Variants in UBE3C observed in about 807,000 individuals in gnomAD.
UBE3C encodes the protein ubiquitin-protein ligase E3C.
A neutral mutation model predicts 129.4 loss-of-function variants in UBE3C; 42 were observed. The ratio of observed to expected loss-of-function variants is 0.32; its 90% CI spans 0.25 to 0.42. The LOEUF (loss-of-function observed/expected upper bound fraction) is 0.42. Ranked by LOEUF, UBE3C falls within the 10% of genes least tolerant of loss-of-function variation. The probability of loss-of-function intolerance (pLI) is 1.00; values close to 1 mark genes in which losing one functional copy is unlikely to be tolerated. For synonymous variants in UBE3C, 510 were observed against 492.4 expected (o/e 1.04, Z -0.47); for missense variants, 1,049 against 1,319.1 (o/e 0.80, Z 3.17).
At chr7:157,234,972 A>G (rs1336323099) in intron 18 of UBE3C, among the ~76,000 whole-genome samples, 1 of 152,202 alleles carries the variant, frequency 6.6e-6, no homozygotes, top group African/African-American at 2.4e-5. Context: ...CAGGCGGATC[A>G]CCTGAGGTCG....
chr7:157,141,583 A>C (rs1205068142), intron 1 of UBE3C, among the ~76,000 whole-genome samples: 1 of 152,224 alleles, frequency 6.6e-6, no homozygotes, highest in Non-Finnish European at 1.5e-5. Flanking sequence ...CTGTGCATCC[A>C]AACGTAGATA....
intron 18 of UBE3C, among the ~76,000 whole-genome samples, chr7:157,235,958 T>C (rs537532806): frequency 6.6e-6 from 1 of 152,340 alleles, no homozygotes; most frequent in African/African-American, 2.4e-5. Context: ...AAGAAAACTG[T>C]ATATTGATTG....
chr7:157,254,419 C>CT lies in UBE3C; in HGVS notation c.2950+110dup, dbSNP rs1177285881. On this transcript the variant is annotated intron_variant, in intron 21 of 22. Coordinates refer to ENST00000348165, the MANE Select transcript of UBE3C (RefSeq NM_014671.3). ...ATTTATTTATTTTTTTTTTTTCAGA[C>CT]TGAGTTTCACTCTTGTCGCCCAGGC... 59 of 550,172 alleles carry CT rather than the reference C, an allele frequency of 1.1e-4. No individual in the cohort carries two copies. The African/African-American group carries it at 1.2e-3, about 11-fold the overall frequency. 34.1% of individuals were successfully genotyped at this position (550,172 alleles called of 1,614,324 possible).
In UBE3C at chr7:157,158,991, G is replaced by A. The variant is rs569741288; in HGVS notation, c.67-4819G>A. ...AGTCCTACTAGTCTCATGTATGCGG[G>A]GATATTAAGTCCGTTATCAATAGAG... is the stretch of plus-strand genomic sequence containing the variant. On this transcript the variant is annotated intron_variant, in intron 1 of 22. Transcript: ENST00000348165. Among the ~76,000 whole-genome samples the A allele has an allele frequency of 2.6e-5, 4 of 152,252 alleles. No homozygotes were observed. The South Asian group carries it at 8.3e-4, about 32-fold the overall frequency.
chr7:157,261,306 GAAAAAAAAAAAAAAAA>G (rs57114090), intron 22 of UBE3C, among the ~76,000 whole-genome samples: 44 of 78,024 alleles, frequency 5.6e-4, no homozygotes, highest in South Asian at 1.1e-3. Context: ...AACTCTGTCT[GAAAAAAAAAAAAAAAA>G]AAAAAAAAAA....
chr7:157,188,249 C>A (rs962740783), intron 10 of UBE3C, among the ~76,000 whole-genome samples: 1 of 152,186 alleles, frequency 6.6e-6, no homozygotes, highest in African/African-American at 2.4e-5. Flanking sequence ...TTATAAAATG[C>A]CATCCCATCA....
chr7:157,188,964 G>A (rs777447097), intron 10 of UBE3C: 1 of 679,838 alleles, frequency 1.5e-6, no homozygotes. Flanking sequence ...ACAAATGAAT[G>A]TGGAGACCTT....
chr7:157,192,883 G>T, intron 10 of UBE3C: 1 of 831,960 alleles, frequency 1.2e-6, no homozygotes, highest in South Asian at 1.5e-5. Context: ...AAAAAGAAGG[G>T]ATTATCAAAG....
chr7:157,228,102 T>G (rs1795927578), intron 17 of UBE3C, among the ~76,000 whole-genome samples: 1 of 152,258 alleles, frequency 6.6e-6, no homozygotes, highest in South Asian at 2.1e-4. Context: ...TTATTCCACG[T>G]GTCATCTAGT....
In UBE3C at chr7:157,220,745, G is replaced by A; in HGVS notation, c.1971G>A (p.Gly657=). The A allele has an allele frequency of 6.2e-7, 1 of 1,614,192 alleles. No homozygotes were observed. Among genetic ancestry groups the A allele is most frequent in the East Asian group, 2.2e-5 (1 of 44,894 alleles). ...ATGTGTGGAGGTTCCGGCGGATGGG[G>A]AGGATAGGCCCGCTGCAGTCCACCC... The part of the protein sequence containing the change: ...SRHVWRFRRM[G]RIGPLQSTLD... The change falls in exon 15 of 23, where the codon GGG becomes GGA. Residue 657 remains glycine, a synonymous_variant. Transcript: ENST00000348165.
Position 157,156,822 on chromosome 7 carries a change from T to C in UBE3C, c.67-6988T>C, listed in dbSNP as rs551645948. On this transcript the variant is annotated intron_variant, in intron 1 of 22. Coordinates refer to ENST00000348165, the MANE Select transcript of UBE3C (RefSeq NM_014671.3). ...ACAGTTCCTGATCAGTAGATAGATC[T>C]ACCACATTCCTTTAAAGAGCTATAT... Among the ~76,000 whole-genome samples, 105 of 152,160 alleles carry C rather than the reference T, an allele frequency of 6.9e-4. 1 individual carries two copies. Among genetic ancestry groups the C allele is most frequent in the African/African-American group, 2.5e-3 (102 of 41,488 alleles).
intron 1 of UBE3C, among the ~76,000 whole-genome samples, chr7:157,148,693 C>A: frequency 6.7e-6 from 1 of 148,832 alleles, no homozygotes; most frequent in African/African-American, 2.5e-5. Context: ...GATCTGGCAT[C>A]AAATAAAGTC....
At position 157,220,971 on chromosome 7, in the gene UBE3C, C is replaced by G. The variant is rs1370983358; in HGVS notation, c.2002+195C>G. The G allele has an allele frequency of 1.1e-5, 6 of 551,772 alleles. No individual in the cohort carries two copies. In the African/African-American group the frequency reaches 1.1e-4, roughly 10 times the overall value. The allele number at this position is 551,772 out of a possible 1,614,324, so 34.2% of individuals were successfully genotyped here. ...TTGCGGCCACCTCTTCAGCAGCCAC[C>G]CATTTCTGTTTTGTCCTGTCACTTT... On this transcript the variant is annotated intron_variant, in intron 15 of 22. Transcript: ENST00000348165.
At chr7:157,261,196 C>T (rs1796896425) in intron 22 of UBE3C, among the ~76,000 whole-genome samples, 1 of 150,880 alleles carries the variant, frequency 6.6e-6, no homozygotes, top group Non-Finnish European at 1.5e-5. Flanking sequence ...GTCCCAGCTA[C>T]TTGGGAGGCT....
chr7:157,216,834 C>T (rs752900628), intron 13 of UBE3C, 33 bp from the exon 14 acceptor site: 2 of 1,544,352 alleles, frequency 1.3e-6, no homozygotes, highest in East Asian at 2.3e-5. Context: ...GCCGAGCTCA[C>T]GTGTGTGACG....
intron 19 of UBE3C, among the ~76,000 whole-genome samples, chr7:157,250,660 C>T (rs1448729305): frequency 6.6e-6 from 1 of 152,162 alleles, no homozygotes; most frequent in Non-Finnish European, 1.5e-5. Context: ...TATTTAGTTG[C>T]TTTTGTTTCT....
chr7:157,159,133 GTC>G (rs914595433), intron 1 of UBE3C, among the ~76,000 whole-genome samples: 13 of 152,302 alleles, frequency 8.5e-5, no homozygotes, highest in African/African-American at 2.6e-4. Context: ...AGGTAGGAAA[GTC>G]TCTCTCTCCT....
intron 22 of UBE3C, among the ~76,000 whole-genome samples, chr7:157,264,048 G>A (rs1240309836): frequency 1.3e-5 from 2 of 151,982 alleles, no homozygotes; most frequent in African/African-American, 4.8e-5. Context: ...TGGTACTACA[G>A]GTGTGAGCCA....
Position 157,257,407 on chromosome 7 carries a change from G to A in UBE3C, c.3081+363G>A, listed in dbSNP as rs983999206. On this transcript the variant is annotated intron_variant, in intron 22 of 22. Transcript: ENST00000348165. ...GCAGGTACAACGTAGAGATGTTGATGGAGTGTATATGCTACTGAGCCTTAT... is the reference window on the plus strand; with the variant it reads ...GCAGGTACAACGTAGAGATGTTGATAGAGTGTATATGCTACTGAGCCTTAT... Among the ~76,000 whole-genome samples the A allele has an allele frequency of 2.0e-5, 3 of 152,132 alleles. No individual in the cohort carries two copies. The East Asian group carries it at 5.8e-4, about 29-fold the overall frequency.
Sources: gnomAD v4.1 joint callset for allele counts (sites outside exome capture counted in the v4.1 genomes callset) on GRCh38, gnomAD v4.1.1 for gene constraint, MANE v1.5 for transcripts, NCBI Gene and HGNC (gene_info 2026-07-23, HGNC 2026-07-21) for gene names.